The following SERTAD4 variants were observed in gnomAD, a reference collection of about 807,000 sequenced individuals.
The protein encoded by SERTAD4 is SERTA domain-containing protein 4.
Under a neutral mutation model 32.9 loss-of-function variants are expected in SERTAD4, and 18 were observed. That is an observed-to-expected ratio of 0.55 (90% CI 0.38 to 0.81). The LOEUF (loss-of-function observed/expected upper bound fraction) is 0.81, where lower values mean the gene tolerates loss of function less well. SERTAD4 is among the 30% of genes least tolerant of loss of function. SERTAD4 has a pLI of 0.00. For missense variants in SERTAD4, 383 were observed against 426.0 expected, an observed-to-expected ratio of 0.90 and a Z score of 0.89; for synonymous variants, 150 against 156.4, an observed-to-expected ratio of 0.96 and a Z score of 0.30.
At chr1:210,235,446 T>C (rs546601158) in intron 1 of SERTAD4, among the ~76,000 whole-genome samples, 1 of 152,304 alleles carries the variant, frequency 6.6e-6, no homozygotes, top group Non-Finnish European at 1.5e-5. Context: ...TCCCAACTCA[T>C]TCATGTTTTA....
At chr1:210,237,493 CT>C in intron 1 of SERTAD4, 1 of 163,008 alleles carries the variant, frequency 6.1e-6, no homozygotes, top group Non-Finnish European at 1.3e-5. Context: ...TTCCCCTGCC[CT>C]TTTCTTTTGA....
intron 3 of SERTAD4, among the ~76,000 whole-genome samples, chr1:210,240,681 CA>C (rs778485806): frequency 3.3e-4 from 50 of 152,214 alleles, no homozygotes; most frequent in Non-Finnish European, 4.7e-4. Flanking sequence ...CGCATAGTGA[CA>C]GTGTCACACA....
intron 1 of SERTAD4, among the ~76,000 whole-genome samples, chr1:210,237,070 G>GT (rs1439282255): frequency 6.6e-6 from 1 of 152,214 alleles, no homozygotes; most frequent in African/African-American, 2.4e-5. Context: ...GAGAAGGGCA[G>GT]TGATGTGTTG....
chr1:210,236,489 G>C (rs530344741), intron 1 of SERTAD4, among the ~76,000 whole-genome samples: 1 of 152,176 alleles, frequency 6.6e-6, no homozygotes, highest in Non-Finnish European at 1.5e-5. Flanking sequence ...GCCAAGAGCT[G>C]CTCTTTTAGC....
chr1:210,240,690 A>T (rs1186066028), intron 3 of SERTAD4, among the ~76,000 whole-genome samples: 2 of 152,224 alleles, frequency 1.3e-5, no homozygotes, highest in Non-Finnish European at 2.9e-5. Context: ...ACAGTGTCAC[A>T]CAGCTCAGGA....
At chr1:210,236,987 G>A (rs1051808339) in intron 1 of SERTAD4, among the ~76,000 whole-genome samples, 2 of 152,182 alleles carry the variant, frequency 1.3e-5, no homozygotes, top group African/African-American at 4.8e-5. Flanking sequence ...GCTATCGAGG[G>A]GCCCAGGAAG....
At position 210,241,967 on chromosome 1, in the gene SERTAD4, C is replaced by T; in HGVS notation, c.701C>T (p.Pro234Leu). 1.2e-6 allele frequency: 2 copies of T among 1,614,178 alleles called. No individual in the cohort carries two copies. Among genetic ancestry groups the T allele is most frequent in the Non-Finnish European group, 1.7e-6 (2 of 1,180,032 alleles). The change falls in exon 4 of 4, where the codon CCT (proline) becomes CTT (leucine). Residue 234 changes from proline to leucine, a missense_variant. Around this residue, in one of 3 missense-constraint regions of SERTAD4, gnomAD observed 180 missense variants for 190.6 expected, o/e 0.94. Coordinates refer to ENST00000367012, the MANE Select transcript of SERTAD4 (RefSeq NM_019605.5). ...SSSSSSSSSP[P>L]LPLPSCSRQV... Reference sequence around the variant, plus strand: ...TCCTCATCTTCCTCTTCCTCTCCCCCTTTGCCTTTACCGAGTTGTTCCCGC... The same window carrying T: ...TCCTCATCTTCCTCTTCCTCTCCCCTTTTGCCTTTACCGAGTTGTTCCCGC...
At position 210,246,222 on chromosome 1, in the gene SERTAD4, A is replaced by G. The variant is rs1483574983; in HGVS notation, c.*3885A>G. 6.5e-6 allele frequency: 1 copy of G among 152,764 alleles called. No individual in the cohort carries two copies. The highest frequency in any genetic ancestry group is 1.5e-5 in the Non-Finnish European group (1 of 68,490). The allele number at this position is 152,764 out of a possible 1,614,324, so 9.5% of individuals were successfully genotyped here. On this transcript the variant is annotated 3_prime_UTR_variant, in exon 4 of 4. Coordinates refer to ENST00000367012, the MANE Select transcript of SERTAD4 (RefSeq NM_019605.5). Reference sequence around the variant, plus strand: ...CTGTATTTTGATTTTGTGGTTTAAAATAAATGCATTAAGGATCTTTTAAGT... The same window carrying G: ...CTGTATTTTGATTTTGTGGTTTAAAGTAAATGCATTAAGGATCTTTTAAGT...
intron 2 of SERTAD4, 84 bp downstream of exon 2, chr1:210,238,219 G>A (rs998108648): frequency 3.5e-6 from 3 of 852,092 alleles, no homozygotes; most frequent in South Asian, 1.7e-5. Context: ...GGTGTCTGGG[G>A]TGCCCCTCTG....
intron 2 of SERTAD4, among the ~76,000 whole-genome samples, chr1:210,239,031 G>A (rs758612442): frequency 1.3e-5 from 2 of 152,100 alleles, no homozygotes; most frequent in Admixed American, 6.5e-5. Context: ...ATCCCAATGT[G>A]CAGATAACCA....
At chr1:210,235,425 C>T (rs1326088569) in intron 1 of SERTAD4, among the ~76,000 whole-genome samples, 1 of 152,206 alleles carries the variant, frequency 6.6e-6, no homozygotes, top group Non-Finnish European at 1.5e-5. Flanking sequence ...CTCCTCCCCG[C>T]TCCCAAATAA....
At position 210,241,826 on chromosome 1, in the gene SERTAD4, A is replaced by G. The variant is rs776195884; in HGVS notation, c.560A>G (p.His187Arg). ...GCCAAAGAGGAATGTGAAAAGTTTC[A>G]TGCCTGCTGCTTTTACCAAGAATGT... ...RMAKEECEKF[H>R]ACCFYQECGG... Residue 187 changes from histidine (H) to arginine (R), a missense_variant, in exon 4 of 4, where the codon CAT becomes CGT. Physicochemically the swap from His to Arg is conservative, Grantham distance 29. Transcript: ENST00000367012. The G allele has an allele frequency of 3.1e-6, 5 of 1,614,114 alleles. No individual in the cohort carries two copies. The Admixed American group carries it at 5.0e-5, about 16-fold the overall frequency.
Position 210,242,978 on chromosome 1 carries a change from G to A in SERTAD4, c.*641G>A, listed in dbSNP as rs2084013724. ...TGGCTTGCCTGTGATGGGTGATGAG[G>A]CTTTTAGAGAGGTGTTATACAGGGC... On this transcript the variant is annotated 3_prime_UTR_variant, in exon 4 of 4. Coordinates refer to ENST00000367012, the MANE Select transcript of SERTAD4 (RefSeq NM_019605.5). The surrounding 1 kb of genome is among the most constrained non-coding windows in gnomAD (Gnocchi z 4.0). The A allele has an allele frequency of 9.1e-6, 9 of 983,930 alleles. No homozygotes were observed. The highest frequency in any genetic ancestry group is 1.1e-5 in the Non-Finnish European group (9 of 829,778). The allele number at this position is 983,930 out of a possible 1,614,324, so 60.9% of individuals were successfully genotyped here.
At chr1:210,236,557 T>C (rs1243359544) in intron 1 of SERTAD4, among the ~76,000 whole-genome samples, 2 of 152,234 alleles carry the variant, frequency 1.3e-5, no homozygotes, top group South Asian at 4.1e-4. Flanking sequence ...GTTTTTCCTC[T>C]TTTTCCTTGG....
In SERTAD4 at chr1:210,243,541, G is replaced by A. The variant is rs544997169; in HGVS notation, c.*1204G>A. ...ATCAATAAGGTTTATCTTAAAGAAT[G>A]TAAAGACTTTAGGTTTTTGAAAGTT... On this transcript the variant is annotated 3_prime_UTR_variant, in exon 4 of 4. Coordinates refer to ENST00000367012, the MANE Select transcript of SERTAD4 (RefSeq NM_019605.5). The A allele has an allele frequency of 2.4e-4, 37 of 152,298 alleles. No homozygotes were observed. Among genetic ancestry groups the A allele is most frequent in the African/African-American group, 7.9e-4 (33 of 41,566 alleles). The allele number at this position is 152,298 out of a possible 1,614,324, so 9.4% of individuals were successfully genotyped here. A position where few individuals can be genotyped will look rare whatever the true frequency, so the allele number is the denominator to read the frequency against.
Position 210,242,671 on chromosome 1 carries a change from G to A in SERTAD4, c.*334G>A, listed in dbSNP as rs950424871. 5.7e-6 allele frequency: 6 copies of A among 1,052,212 alleles called. No homozygotes were observed. Among genetic ancestry groups the A allele is most frequent in the South Asian group, 9.1e-5 (2 of 22,070 alleles). 65.2% of individuals were successfully genotyped at this position (1,052,212 alleles called of 1,614,324 possible). A position where few individuals can be genotyped will look rare whatever the true frequency, so the allele number is the denominator to read the frequency against. On this transcript the variant is annotated 3_prime_UTR_variant, in exon 4 of 4. Transcript: ENST00000367012. The surrounding 1 kb of genome is among the most constrained non-coding windows in gnomAD (Gnocchi z 4.0). ...TTGCCCCCCAAGGAGCCTGTCACTAGCTAAGAAATTTCTACATGTTTGCCA... is the reference window on the plus strand; with the variant it reads ...TTGCCCCCCAAGGAGCCTGTCACTAACTAAGAAATTTCTACATGTTTGCCA...
chr1:210,241,637 T>C lies in SERTAD4; in HGVS notation c.371T>C (p.Val124Ala), dbSNP rs377454342. ...CTAAAGTTTATCGATGATCCTGAAG[T>C]GTACCTCCGAAGATCTGTCCTTATA... ...EKLKFIDDPE[V>A]YLRRSVLINN... The change falls in exon 4 of 4, where the codon GTG becomes GCG. Residue 124 changes from valine (V) to alanine (A), a missense_variant. Physicochemically the swap from Val to Ala is moderately conservative, Grantham distance 64. Around this residue, in one of 3 missense-constraint regions of SERTAD4, gnomAD observed 107 missense variants for 158.8 expected, o/e 0.67. Coordinates refer to ENST00000367012, the MANE Select transcript of SERTAD4 (RefSeq NM_019605.5). 11 of 1,613,612 alleles carry C rather than the reference T, an allele frequency of 6.8e-6. No homozygotes were observed. The highest frequency in any genetic ancestry group is 9.3e-6 in the Non-Finnish European group (11 of 1,179,960).
Position 210,244,597 on chromosome 1 carries a change from T to C in SERTAD4, c.*2260T>C, listed in dbSNP as rs2084029942. The C allele has an allele frequency of 1.3e-5, 2 of 152,190 alleles. No individual in the cohort carries two copies. The highest frequency in any genetic ancestry group is 6.5e-5 in the Admixed American group (1 of 15,270). The allele number at this position is 152,190 out of a possible 1,614,324, so 9.4% of individuals were successfully genotyped here. ...GTTAAAAACTAATTAATTTGTCAAA[T>C]GTAGCATTCTTATTATGAGTGTAAT... is the stretch of plus-strand genomic sequence containing the variant. On this transcript the variant is annotated 3_prime_UTR_variant, in exon 4 of 4. Transcript: ENST00000367012.
At position 210,244,864 on chromosome 1, in the gene SERTAD4, G is replaced by GTCAT. The variant is rs1481736070; in HGVS notation, c.*2528_*2531dup. The GTCAT allele has an allele frequency of 1.3e-5, 2 of 152,062 alleles. No homozygotes were observed. The highest frequency in any genetic ancestry group is 1.3e-4 in the Admixed American group (2 of 15,256). The allele number at this position is 152,062 out of a possible 1,614,324, so 9.4% of individuals were successfully genotyped here. On this transcript the variant is annotated 3_prime_UTR_variant, in exon 4 of 4. Coordinates refer to ENST00000367012, the MANE Select transcript of SERTAD4 (RefSeq NM_019605.5). ...GCAGCATAAAAATCTGTTCTTTTTA[G>GTCAT]TCATCAAGTTTTTGTTTCCAGGATA... is the stretch of plus-strand genomic sequence containing the variant.
Sources: gnomAD v4.1 joint callset for allele counts (sites outside exome capture counted in the v4.1 genomes callset) on GRCh38, gnomAD v4.1.1 for gene constraint, gnomAD v4.1.1 regional missense constraint, Gnocchi (gnomAD v3.1) non-coding constraint, MANE v1.5 for transcripts, NCBI Gene and HGNC (gene_info 2026-07-23, HGNC 2026-07-21) for gene names.